The following MKI67 variants were observed in gnomAD, a reference collection of about 807,000 sequenced individuals.
MKI67 encodes proliferation marker protein Ki-67.
In MKI67, 152 loss-of-function variants were observed where a neutral mutation model predicts 233.5. That is an observed-to-expected ratio of 0.65 (90% CI 0.57 to 0.74). The LOEUF (loss-of-function observed/expected upper bound fraction) is 0.74. Ranked by LOEUF, MKI67 falls within the 30% of genes least tolerant of loss-of-function variation. The probability of loss-of-function intolerance (pLI) is 0.00; values close to 1 mark genes in which losing one functional copy is unlikely to be tolerated. For missense variants in MKI67, 3,940 were observed against 3,885.2 expected (o/e 1.01, Z -0.37); for synonymous variants, 1,465 against 1,418.5 (o/e 1.03, Z -0.74).
chr10:128,099,482 A>G (rs1423573212), intron 14 of MKI67, among the ~76,000 whole-genome samples: 1 of 152,230 alleles, frequency 6.6e-6, no homozygotes, highest in East Asian at 1.9e-4. Context: ...AAATAATGTG[A>G]TCTTTTCATA....
chr10:128,102,606 T>C lies in MKI67; in HGVS notation c.9234A>G (p.Lys3078=), dbSNP rs1192124461. The change falls in exon 13 of 15, where the codon AAA becomes AAG. Residue 3078 remains lysine, a synonymous_variant. Transcript: ENST00000368654. ...TATTTTCAGGGACCGAGTCTTGTAA[T>C]TTGTGTTCCTCTTTGTTGGTTTTCA... is the stretch of plus-strand genomic sequence containing the variant. ...NDMKTNKEEH[K]LQDSVPENKG... 4 of 1,613,964 alleles carry C rather than the reference T, an allele frequency of 2.5e-6. No homozygotes were observed. Among genetic ancestry groups the C allele is most frequent in the Non-Finnish European group, 3.4e-6 (4 of 1,179,824 alleles).
chr10:128,119,593 C>A (rs191243098), intron 4 of MKI67, among the ~76,000 whole-genome samples: 121 of 152,300 alleles, frequency 7.9e-4, no homozygotes, highest in Admixed American at 5.4e-3. Flanking sequence ...TATGATTTGA[C>A]AATATTACCA....
chr10:128,109,800 T>C (rs758039129), intron 12 of MKI67, among the ~76,000 whole-genome samples: 5 of 152,170 alleles, frequency 3.3e-5, no homozygotes, highest in Admixed American at 6.5e-5. Context: ...TAAAATAACA[T>C]GGATTATCCT....
chr10:128,124,900 G>T (rs780232923), intron 2 of MKI67, among the ~76,000 whole-genome samples: 2 of 76,164 alleles, frequency 2.6e-5, no homozygotes, highest in East Asian at 4.6e-4. Context: ...AGGGGATGGG[G>T]TTGGGAGGAC....
rs1852507528 is a variant in MKI67, at chr10:128,106,708, G to A, written c.5132C>T (p.Ala1711Val). The change falls in exon 13 of 15, where the codon GCC (alanine) becomes GTC (valine). Residue 1711 changes from alanine to valine, a missense_variant. Physicochemically the swap from Ala to Val is moderately conservative, Grantham distance 64 (BLOSUM62 0). Coordinates refer to ENST00000368654, the MANE Select transcript of MKI67 (RefSeq NM_002417.5). ...TGTCTGGAAGAGCTCGATGAAGCCG[G>A]CCAGGTCTTCAGGGACTTCAGACTT... ...KGKSEVPEDL[A>V]GFIELFQTPS... 2 of 1,614,070 alleles carry A rather than the reference G, an allele frequency of 1.2e-6. 1 individual carries two copies. The highest frequency in any genetic ancestry group is 3.3e-4 in the Middle Eastern group (2 of 6,062).
At chr10:128,113,075 C>T (rs557176965) in intron 8 of MKI67, among the ~76,000 whole-genome samples, 50 of 152,292 alleles carry the variant, frequency 3.3e-4, no homozygotes, top group Non-Finnish European at 6.2e-4. Context: ...TAAAACAATC[C>T]TTATGGGTCG....
At chr10:128,121,061 T>C (rs1385216851) in intron 4 of MKI67, among the ~76,000 whole-genome samples, 1 of 151,970 alleles carries the variant, frequency 6.6e-6, no homozygotes, top group Non-Finnish European at 1.5e-5. Context: ...TTAACCATAC[T>C]CATCATCCAA....
At chr10:128,116,630 G>A (rs1852815649) in intron 5 of MKI67, 94 bp from the exon 6 acceptor site, 1 of 1,240,452 alleles carries the variant, frequency 8.1e-7, no homozygotes, top group Admixed American at 1.8e-5. Context: ...TTTCTGGCTG[G>A]GCATGATGGC....
In MKI67 at chr10:128,112,213, G is replaced by A. The variant is rs749892685; in HGVS notation, c.1889C>T (p.Ser630Phe). 27 of 1,613,978 alleles carry A rather than the reference G, an allele frequency of 1.7e-5. No individual in the cohort carries two copies. In the Admixed American group the frequency reaches 1.8e-4, roughly 11 times the overall value. The change falls in exon 9 of 15, where the codon TCT (serine) becomes TTT (phenylalanine). Residue 630 changes from serine to phenylalanine, a missense_variant. Ser to Phe is a radical substitution (Grantham distance 155). Transcript: ENST00000368654. ...AATATCATGTTGACTTCGGCTGATA[G>A]ACACTCTCTTTGAAGGCAGGTTGCC... Reference protein sequence around the residue: ...KSGNLPSKRVSISRSQHDILQ... With the variant: ...KSGNLPSKRVFISRSQHDILQ...
intron 4 of MKI67, among the ~76,000 whole-genome samples, 188 bp from the exon 5 acceptor site, chr10:128,119,507 T>G (rs1448842963): frequency 6.6e-6 from 1 of 152,216 alleles, no homozygotes; most frequent in African/African-American, 2.4e-5. Flanking sequence ...ATTAGTTGCA[T>G]CGAGTTTGTT....
chr10:128,112,664 A>T (rs542909189), intron 8 of MKI67, among the ~76,000 whole-genome samples: 12 of 152,340 alleles, frequency 7.9e-5, no homozygotes, highest in African/African-American at 2.6e-4. Flanking sequence ...AGGTCATTTC[A>T]GGTAAAAAGG....
At chr10:128,113,913 C>T (rs922395348) in intron 7 of MKI67, among the ~76,000 whole-genome samples, 4 of 146,776 alleles carry the variant, frequency 2.7e-5, no homozygotes, top group African/African-American at 7.4e-5. Context: ...AGTAGGGGGA[C>T]GACAGCCAGA....
At chr10:128,123,370 C>A (rs755890784) in intron 2 of MKI67, among the ~76,000 whole-genome samples, 3 of 152,116 alleles carry the variant, frequency 2.0e-5, no homozygotes, top group Non-Finnish European at 4.4e-5. Context: ...ACTATTAGAT[C>A]TTTAAAACAG....
At chr10:128,122,848 C>T in intron 4 of MKI67, 33 bp downstream of exon 4, 1 of 1,062,754 alleles carries the variant, frequency 9.4e-7, no homozygotes, top group Non-Finnish European at 1.4e-6. Context: ...CAGAAGATGA[C>T]ATTTACTGTT....
In MKI67 at chr10:128,111,800, A is replaced by G. The variant is rs147489415; in HGVS notation, c.2105T>C (p.Val702Ala). The G allele has an allele frequency of 1.6e-3, 2,590 of 1,612,726 alleles. 8 individuals carry two copies. The highest frequency in any genetic ancestry group is 1.9e-3 in the Non-Finnish European group (2,210 of 1,179,682). ...PATPKKPVGE[V>A]HSQFSTGHAN... The stretch of plus-strand genomic sequence containing the variant: ...GTGGCCTGTACTAAATTGACTGTGA[A>G]CTTCGCCCACAGGCTTCTGTAGAAA... The change falls in exon 11 of 15, where the codon GTT becomes GCT. Residue 702 changes from valine (V) to alanine (A), a missense_variant. Transcript: ENST00000368654.
chr10:128,114,453 T>G (rs1378218851), intron 7 of MKI67, among the ~76,000 whole-genome samples: 17 of 152,210 alleles, frequency 1.1e-4, no homozygotes, highest in African/African-American at 4.1e-4. Context: ...CAGTCCAGTG[T>G]TTACAGCAAA....
At position 128,111,766 on chromosome 10, in the gene MKI67, A is replaced by G; in HGVS notation, c.2139T>C (p.Ser713=). The stretch of plus-strand genomic sequence containing the variant: ...CTTTCCCTATTATTATGGTACAAGG[A>G]GAGTTTGCGTGGCCTGTACTAAATT... ...HSQFSTGHAN[S]PCTIIIGKAH... Residue 713 remains serine, a synonymous_variant, in exon 11 of 15, where the codon TCT becomes TCC. Transcript: ENST00000368654. The G allele has an allele frequency of 1.2e-6, 2 of 1,614,174 alleles. No individual in the cohort carries two copies. Among genetic ancestry groups the G allele is most frequent in the Non-Finnish European group, 8.5e-7 (1 of 1,180,016 alleles).
rs1329569298 is a variant in MKI67, at chr10:128,122,955, T to C, written c.213A>G (p.Val71=). The change falls in exon 4 of 15, where the codon GTA becomes GTG. Residue 71 remains valine (V), a synonymous_variant. Coordinates refer to ENST00000368654, the MANE Select transcript of MKI67 (RefSeq NM_002417.5). The part of the protein sequence containing the change: ...HNFSSTNPTQ[V]NGSVIDEPVR... ...CAGGCTCATCAATAACAGACCCATTTACTTGTGTTGGATTTGTGGAACTGA... is the reference window on the plus strand; with the variant it reads ...CAGGCTCATCAATAACAGACCCATTCACTTGTGTTGGATTTGTGGAACTGA... 6.2e-7 allele frequency: 1 copy of C among 1,609,520 alleles called. No homozygotes were observed.
At position 128,113,497 on chromosome 10, in the gene MKI67, C is replaced by G. The variant is rs1043206067; in HGVS notation, c.1586G>C (p.Arg529Thr). The G allele has an allele frequency of 6.2e-7, 1 of 1,614,014 alleles. No homozygotes were observed. Among genetic ancestry groups the G allele is most frequent in the African/African-American group, 1.3e-5 (1 of 74,908 alleles). Residue 529 changes from arginine (R) to threonine (T), a missense_variant, in exon 8 of 15, where the codon AGG becomes ACG. Coordinates refer to ENST00000368654, the MANE Select transcript of MKI67 (RefSeq NM_002417.5). ...ENLPPNTPLK[R>T]GEAPTKRKSL... The stretch of plus-strand genomic sequence containing the variant: ...CTTTCTTTTGGTTGGGGCTTCTCCC[C>G]TTTTGAGAGGCGTATTAGGAGGCAA...
Sources: gnomAD v4.1 joint callset for allele counts (sites outside exome capture counted in the v4.1 genomes callset) on GRCh38, gnomAD v4.1.1 for gene constraint, MANE v1.5 for transcripts, NCBI Gene and HGNC (gene_info 2026-07-23, HGNC 2026-07-21) for gene names.